ZNF710: variants seen among roughly 807,000 people sequenced by gnomAD.
ZNF710 encodes the protein zinc finger protein 710.
A neutral mutation model predicts 50.6 loss-of-function variants in ZNF710; 13 were observed. The ratio of observed to expected loss-of-function variants is 0.26; its 90% CI spans 0.17 to 0.41. The LOEUF (loss-of-function observed/expected upper bound fraction) is 0.41, where lower values mean the gene tolerates loss of function less well. Ranked by LOEUF, ZNF710 falls within the 10% of genes least tolerant of loss-of-function variation. The probability of loss-of-function intolerance (pLI) is 1.00; values close to 1 mark genes in which losing one functional copy is unlikely to be tolerated. For missense variants in ZNF710, 721 were observed against 936.6 expected, an observed-to-expected ratio of 0.77 and a Z score of 3.01; for synonymous variants, 383 against 397.0, an observed-to-expected ratio of 0.96 and a Z score of 0.42.
chr15:90,021,596 A>G (rs1898624483), intron 1 of ZNF710, among the ~76,000 whole-genome samples: 1 of 152,036 alleles, frequency 6.6e-6, no homozygotes, highest in Non-Finnish European at 1.5e-5. Flanking sequence ...ACTACCTACC[A>G]TGTGTTAAAC....
upstream of ZNF710, among the ~76,000 whole-genome samples, chr15:89,999,510 G>C: frequency 6.6e-6 from 1 of 152,190 alleles, no homozygotes; most frequent in East Asian, 1.9e-4. Flanking sequence ...AAAGGCCCTG[G>C]GGTCATTGGG....
chr15:90,062,846 G>GCA lies in ZNF710; in HGVS notation c.-28-4253_-28-4252dup, dbSNP rs144623455. ...TCTGCATACACACACGCGCGCACGC[G>GCA]CACACACACACAGCCTGCCTGGCCG... On this transcript the variant is annotated intron_variant, in intron 1 of 4. Transcript: ENST00000268154. This position sits in a 1 kb window ranked among gnomAD's most constrained non-coding sequence, Gnocchi z 5.6. 6.6e-6 allele frequency among the ~76,000 whole-genome samples: 1 copy of GCA among 152,014 alleles called. No homozygotes were observed. Among genetic ancestry groups the GCA allele is most frequent in the East Asian group, 1.9e-4 (1 of 5,194 alleles).
At chr15:90,009,873 C>G (rs6496615) in intron 1 of ZNF710, among the ~76,000 whole-genome samples, 4,550 of 152,196 alleles carry the variant, frequency 0.03, 245 homozygotes, top group African/African-American at 0.1. Context: ...TCCCTGGCCA[C>G]CTACTCATGC....
chr15:90,082,152 G>C lies in ZNF710; in HGVS notation c.*2323G>C, dbSNP rs922794677. On this transcript the variant is annotated 3_prime_UTR_variant, in exon 5 of 5. Coordinates refer to ENST00000268154, the MANE Select transcript of ZNF710 (RefSeq NM_198526.4). ...TTTTATGTTCCTGTTTAAAAGAGAA[G>C]TTTACTTAGCAATAATTATAAATAA... 3 of 152,226 alleles carry C rather than the reference G, an allele frequency of 2.0e-5. No homozygotes were observed. The highest frequency in any genetic ancestry group is 6.5e-5 in the Admixed American group (1 of 15,290). The allele number at this position is 152,226 out of a possible 1,614,324, so 9.4% of individuals were successfully genotyped here.
rs1382516498 is a variant in ZNF710, at chr15:90,068,649, A to G, written c.1458+54A>G. On this transcript the variant is annotated intron_variant, in intron 2 of 4. Transcript: ENST00000268154. This position sits in a 1 kb window ranked among gnomAD's most constrained non-coding sequence, Gnocchi z 5.0. ...TGCCTGCCCCTCCTGCCACTTTTTC[A>G]TCCAGTACTTTCCAAAGTCCCAGAT... The G allele has an allele frequency of 7.8e-6, 12 of 1,531,654 alleles. No individual in the cohort carries two copies. The highest frequency in any genetic ancestry group is 1.4e-5 in the African/African-American group (1 of 73,158). 94.9% of individuals were successfully genotyped at this position (1,531,654 alleles called of 1,614,324 possible).
intron 1 of ZNF710, among the ~76,000 whole-genome samples, chr15:90,032,277 C>T (rs975762688): frequency 6.6e-6 from 1 of 152,198 alleles, no homozygotes; most frequent in East Asian, 1.9e-4. Flanking sequence ...GGATTATAGG[C>T]GTGAGCCACT....
At position 90,067,937 on chromosome 15, in the gene ZNF710, A is replaced by G. The variant is rs779358729; in HGVS notation, c.800A>G (p.Lys267Arg). The change falls in exon 2 of 5, where the codon AAG becomes AGG. Residue 267 changes from lysine (K) to arginine (R), a missense_variant. Lys to Arg is a conservative substitution (Grantham distance 26). Around this residue, in one of 3 missense-constraint regions of ZNF710, gnomAD observed 326 missense variants for 522.0 expected, o/e 0.62. Coordinates refer to ENST00000268154, the MANE Select transcript of ZNF710 (RefSeq NM_198526.4). This position sits in a 1 kb window ranked among gnomAD's most constrained non-coding sequence, Gnocchi z 8.1. ...GCGGGTTCGACCGTGGAACGCCACA[A>G]GAAGGCCCAGCTGGATCGGCTGGAC... ...DTAGSTVERH[K>R]KAQLDRLDIN... 2 of 1,613,928 alleles carry G rather than the reference A, an allele frequency of 1.2e-6. No individual in the cohort carries two copies. Among genetic ancestry groups the G allele is most frequent in the South Asian group, 1.1e-5 (1 of 91,090 alleles).
chr15:90,017,376 G>A (rs1198570709), intron 1 of ZNF710, among the ~76,000 whole-genome samples: 1 of 152,124 alleles, frequency 6.6e-6, no homozygotes. Flanking sequence ...TATAATACAA[G>A]GCTGTAATTT....
At chr15:89,998,930 A>G (rs1897964497), upstream of ZNF710, among the ~76,000 whole-genome samples, 1 of 152,226 alleles carries the variant, frequency 6.6e-6, no homozygotes, top group Admixed American at 6.5e-5. Flanking sequence ...TCATGAAGTT[A>G]GCAAGTGGGA....
chr15:90,074,594 T>G (rs1405528576), intron 4 of ZNF710: 1 of 1,185,750 alleles, frequency 8.4e-7, no homozygotes, highest in Non-Finnish European at 1.1e-6. Context: ...AAAGCGAGGT[T>G]GGCTCTGTCA....
At chr15:89,999,735 T>G (rs1244827188), upstream of ZNF710, among the ~76,000 whole-genome samples, 4 of 148,924 alleles carry the variant, frequency 2.7e-5, no homozygotes, top group East Asian at 2.0e-4. Context: ...GGGGGAGGGG[T>G]GAGGAGTGGC....
upstream of ZNF710, among the ~76,000 whole-genome samples, chr15:90,001,091 G>A (rs1401163725): frequency 6.6e-6 from 1 of 151,994 alleles, no homozygotes; most frequent in Non-Finnish European, 1.5e-5. Context: ...AGAGAAATAA[G>A]AAAGGAGGAA....
At chr15:90,015,420 A>G (rs766549710) in intron 1 of ZNF710, among the ~76,000 whole-genome samples, 2 of 152,278 alleles carry the variant, frequency 1.3e-5, no homozygotes, top group African/African-American at 4.8e-5. Context: ...TGCACGGGCA[A>G]TTTCTCTTTT....
chr15:89,999,037 G>A (rs1246808557), upstream of ZNF710, among the ~76,000 whole-genome samples: 2 of 152,174 alleles, frequency 1.3e-5, no homozygotes, highest in African/African-American at 4.8e-5. Flanking sequence ...CTAAGCTGCA[G>A]TAAACACTTC....
intron 4 of ZNF710, among the ~76,000 whole-genome samples, chr15:90,077,681 A>T (rs1266261008): frequency 6.6e-6 from 1 of 152,224 alleles, no homozygotes; most frequent in Non-Finnish European, 1.5e-5. Flanking sequence ...CGGAAGACTC[A>T]CAGTGGGTTA....
At chr15:90,035,417 G>A (rs1899091654) in intron 1 of ZNF710, among the ~76,000 whole-genome samples, 1 of 152,224 alleles carries the variant, frequency 6.6e-6, no homozygotes, top group Non-Finnish European at 1.5e-5. Flanking sequence ...TGCTGCCTGT[G>A]CAGTGAGCTG....
rs1567238543 is a variant in ZNF710, at chr15:90,062,342, G to A, written c.-28-4768G>A. 6.6e-6 allele frequency among the ~76,000 whole-genome samples: 1 copy of A among 152,076 alleles called. No homozygotes were observed. The highest frequency in any genetic ancestry group is 2.4e-5 in the African/African-American group (1 of 41,386). On this transcript the variant is annotated intron_variant, in intron 1 of 4. Coordinates refer to ENST00000268154, the MANE Select transcript of ZNF710 (RefSeq NM_198526.4). The surrounding 1 kb of genome is among the most constrained non-coding windows in gnomAD (Gnocchi z 5.6). Reference sequence around the variant, plus strand: ...TGACTTTCTCCCCACCCTGGGGACCGAGGGCATCCTGGTGGGAGGCCACGC... The same window carrying A: ...TGACTTTCTCCCCACCCTGGGGACCAAGGGCATCCTGGTGGGAGGCCACGC...
intron 1 of ZNF710, among the ~76,000 whole-genome samples, chr15:90,035,927 C>T (rs994999903): frequency 6.6e-5 from 10 of 152,210 alleles, no homozygotes; most frequent in Non-Finnish European, 1.2e-4. Flanking sequence ...GCAGTGGCAC[C>T]ATTGCATGCC....
intron 1 of ZNF710, among the ~76,000 whole-genome samples, chr15:90,043,302 G>A (rs1348577430): frequency 6.6e-6 from 1 of 152,250 alleles, no homozygotes; most frequent in Non-Finnish European, 1.5e-5. Context: ...GCACCCAGGG[G>A]GCCGAGCTGC....
Sources: gnomAD v4.1 joint callset for allele counts (sites outside exome capture counted in the v4.1 genomes callset) on GRCh38, gnomAD v4.1.1 for gene constraint, gnomAD v4.1.1 regional missense constraint, Gnocchi (gnomAD v3.1) non-coding constraint, MANE v1.5 for transcripts, NCBI Gene and HGNC (gene_info 2026-07-23, HGNC 2026-07-21) for gene names.